TEX14: variants seen among roughly 807,000 people sequenced by gnomAD.
TEX14 encodes testis expressed 14, intercellular bridge forming factor, also known as inactive serine/threonine-protein kinase TEX14.
A neutral mutation model predicts 178.6 loss-of-function variants in TEX14; 168 were observed. That is an observed-to-expected ratio of 0.94 (90% CI 0.83 to 1.07). TEX14 has a LOEUF of 1.07. Among genes scored for constraint, TEX14 ranks in the 50% least tolerant of loss-of-function variants. The pLI is 0.00. For missense variants in TEX14, 1,730 were observed against 1,753.6 expected (o/e 0.99, Z 0.24); for synonymous variants, 626 against 634.1 (o/e 0.99, Z 0.19).
At chr17:58,592,985 T>C (rs914404759) in intron 15 of TEX14, among the ~76,000 whole-genome samples, 2 of 152,136 alleles carry the variant, frequency 1.3e-5, no homozygotes, top group African/African-American at 4.8e-5. Flanking sequence ...TACATATACA[T>C]ATATGTATGA....
At chr17:58,596,848 G>A (rs767680740) in intron 14 of TEX14, among the ~76,000 whole-genome samples, 26 of 152,088 alleles carry the variant, frequency 1.7e-4, no homozygotes, top group Middle Eastern at 3.2e-3. Flanking sequence ...GGTCTGAGGC[G>A]GGAGGATCGC....
chr17:58,656,084 T>C (rs1297405944), intron 1 of TEX14, among the ~76,000 whole-genome samples: 1 of 152,174 alleles, frequency 6.6e-6, no homozygotes, highest in Non-Finnish European at 1.5e-5. Context: ...GTGGATCATC[T>C]GAGGTCACGA....
rs143113730 is a variant in TEX14, at chr17:58,678,089, G to T, written c.-2+13850C>A. Among the ~76,000 whole-genome samples, 161 of 152,320 alleles carry T rather than the reference G, an allele frequency of 1.1e-3. 1 individual carries two copies. The highest frequency in any genetic ancestry group is 3.7e-3 in the African/African-American group (153 of 41,574). ...TGCTTGAACCTGGTAGGCAGAGGTT[G>T]CAGTGAGCAGATATGGTGCCACTGC... On this transcript the variant is annotated intron_variant, in intron 1 of 31. Transcript: ENST00000349033.
At position 58,648,786 on chromosome 17, in the gene TEX14, C is replaced by CT. The variant is rs34918333; in HGVS notation, c.136+3079dup. On this transcript the variant is annotated intron_variant, in intron 2 of 31. Transcript: ENST00000349033. ...TAATCCTGTGAATTTCTTTTTTTTT[C>CT]TTTTTTTTTTTTTTTTTTTTTGAGA... 7.2e-3 allele frequency among the ~76,000 whole-genome samples: 645 copies of CT among 89,652 alleles called. 4 individuals carry two copies. Among genetic ancestry groups the CT allele is most frequent in the Admixed American group, 0.012 (96 of 7,870 alleles). The allele number at this position is 89,652 out of a possible 152,430, so 58.8% of individuals were successfully genotyped here.
intron 15 of TEX14, among the ~76,000 whole-genome samples, chr17:58,589,844 C>T (rs912592747): frequency 6.6e-6 from 1 of 151,664 alleles, no homozygotes; most frequent in Non-Finnish European, 1.5e-5. Flanking sequence ...GGACCACAGG[C>T]ACCTGCCACC....
intron 2 of TEX14, chr17:58,631,940 G>GT (rs1405444194): frequency 5.3e-5 from 8 of 152,156 alleles, no homozygotes; most frequent in Admixed American, 5.2e-4. Flanking sequence ...ATTACTATGT[G>GT]TTTTTTCCAA....
chr17:58,602,425 C>A lies in TEX14; in HGVS notation c.1502G>T (p.Arg501Leu), dbSNP rs368880555. Residue 501 changes from arginine (R) to leucine (L), a missense_variant, in exon 12 of 32, where the codon CGG (arginine) becomes CTG (leucine). By Grantham distance (102) the Arg-to-Leu change is moderately radical. Around this residue, in one of 2 missense-constraint regions of TEX14, gnomAD observed 789 missense variants for 681.2 expected, o/e 1.16. Transcript: ENST00000349033. ...KDRTMNLQDIRYILKNDLKDF... is the reference protein window; with the variant it reads ...KDRTMNLQDILYILKNDLKDF... Reference sequence around the variant, plus strand: ...CTTTAAGTCATTCTTCAGAATATACCGGATATCTTGAAGGTTCATAGTTCG... The same window carrying A: ...CTTTAAGTCATTCTTCAGAATATACAGGATATCTTGAAGGTTCATAGTTCG... 4.3e-6 allele frequency: 7 copies of A among 1,613,706 alleles called. No individual in the cohort carries two copies. The East Asian group carries it at 1.6e-4, about 36-fold the overall frequency.
intron 14 of TEX14, among the ~76,000 whole-genome samples, chr17:58,594,222 A>G (rs576354460): frequency 6.7e-6 from 1 of 150,306 alleles, no homozygotes; most frequent in East Asian, 1.9e-4. Flanking sequence ...AGATAGAAAT[A>G]AAAAAAAAAT....
intron 20 of TEX14, among the ~76,000 whole-genome samples, chr17:58,578,129 C>T (rs1372136169): frequency 6.6e-6 from 1 of 152,128 alleles, no homozygotes; most frequent in African/African-American, 2.4e-5. Context: ...CCCCCACCCC[C>T]ATCCCATTCC....
intron 9 of TEX14, 95 bp downstream of exon 9, chr17:58,613,326 A>G: frequency 1.4e-6 from 2 of 1,460,062 alleles, no homozygotes; most frequent in African/African-American, 1.4e-5. Context: ...TCTTCCATGC[A>G]TGCAGAAATG....
chr17:58,572,449 G>A (rs561187383), intron 23 of TEX14, among the ~76,000 whole-genome samples: 1 of 152,064 alleles, frequency 6.6e-6, no homozygotes, highest in Non-Finnish European at 1.5e-5. Context: ...TGGCTAACAC[G>A]GTGAAACCCT....
intron 11 of TEX14, among the ~76,000 whole-genome samples, 183 bp downstream of exon 11, chr17:58,604,795 A>C (rs1180584677): frequency 1.3e-5 from 2 of 152,120 alleles, no homozygotes; most frequent in Non-Finnish European, 2.9e-5. Context: ...TCCTGACTTC[A>C]GGTGATCCAC....
intron 13 of TEX14, among the ~76,000 whole-genome samples, chr17:58,600,743 T>C (rs1168362471): frequency 6.6e-6 from 1 of 152,096 alleles, no homozygotes; most frequent in Non-Finnish European, 1.5e-5. Context: ...TCTGGAGGCC[T>C]CCAGCACTGC....
At chr17:58,607,231 T>TA (rs1174015136) in intron 10 of TEX14, among the ~76,000 whole-genome samples, 2 of 152,158 alleles carry the variant, frequency 1.3e-5, no homozygotes, top group Non-Finnish European at 2.9e-5. Context: ...GGTATGTTGT[T>TA]ACACCTGCAA....
At chr17:58,559,917 GAA>G (rs201649880) in intron 29 of TEX14, among the ~76,000 whole-genome samples, 1 of 151,202 alleles carries the variant, frequency 6.6e-6, no homozygotes, top group African/African-American at 2.4e-5. Flanking sequence ...TGCTCCAAAG[GAA>G]AAAAAAGGCA....
At chr17:58,616,841 G>A (rs2045883949) in intron 6 of TEX14, among the ~76,000 whole-genome samples, 1 of 152,220 alleles carries the variant, frequency 6.6e-6, no homozygotes, top group Non-Finnish European at 1.5e-5. Context: ...TGCCTCAAGT[G>A]CCATTGCTGG....
intron 2 of TEX14, among the ~76,000 whole-genome samples, chr17:58,650,237 G>C (rs1158281592): frequency 2.0e-5 from 3 of 151,394 alleles, no homozygotes; most frequent in Non-Finnish European, 4.4e-5. Flanking sequence ...ATTTTTAGTA[G>C]AGACGGGGTT....
At chr17:58,690,385 C>G (rs969316368) in intron 1 of TEX14, among the ~76,000 whole-genome samples, 1 of 152,150 alleles carries the variant, frequency 6.6e-6, no homozygotes, top group Non-Finnish European at 1.5e-5. Flanking sequence ...AGGCTGGTCT[C>G]AAACTCCTGA....
chr17:58,563,760 T>A (rs1032037793), intron 28 of TEX14, among the ~76,000 whole-genome samples: 1 of 145,640 alleles, frequency 6.9e-6, no homozygotes, highest in Non-Finnish European at 1.5e-5. Context: ...TATGTATACA[T>A]ATATATAGAT....
Sources: allele counts gnomAD v4.1 joint callset (sites outside exome capture counted in the v4.1 genomes callset), GRCh38; gene constraint gnomAD v4.1.1; regional missense constraint gnomAD v4.1.1; transcripts MANE v1.5; gene names NCBI Gene and HGNC (gene_info 2026-07-23, HGNC 2026-07-21).